The following EYA4 variants were observed in gnomAD, a reference collection of about 807,000 sequenced individuals.
EYA4 encodes protein phosphatase EYA4.
EYA4 carries 31 observed loss-of-function variants against 87.9 expected under a neutral mutation model. That is an observed-to-expected ratio of 0.35 (90% CI 0.27 to 0.48). EYA4 has a LOEUF of 0.48. EYA4 is among the 20% of genes least tolerant of loss of function. EYA4 has a pLI of 0.99. For missense variants in EYA4, 678 were observed against 761.4 expected (o/e 0.89, Z 1.29); for synonymous variants, 263 against 270.6 (o/e 0.97, Z 0.28).
intron 2 of EYA4, among the ~76,000 whole-genome samples, chr6:133,300,511 T>C (rs1303191094): frequency 1.3e-5 from 2 of 152,084 alleles, no homozygotes; most frequent in Non-Finnish European, 2.9e-5. Flanking sequence ...GTATTGTTGT[T>C]GTTATTATTA....
At chr6:133,303,569 A>G (rs1049345391) in intron 2 of EYA4, among the ~76,000 whole-genome samples, 5 of 151,896 alleles carry the variant, frequency 3.3e-5, no homozygotes, top group Admixed American at 2.6e-4. Context: ...GCCTTCCTCT[A>G]TTTCTGGGGT....
chr6:133,416,563 C>G (rs117054335), intron 3 of EYA4, among the ~76,000 whole-genome samples: 4,210 of 152,262 alleles, frequency 0.028, 98 homozygotes, highest in Middle Eastern at 0.048. Flanking sequence ...CTCTGCATCA[C>G]TAGATTGAGC....
Position 133,529,242 on chromosome 6 carries a change from T to G in EYA4, c.*437T>G. On this transcript the variant is annotated 3_prime_UTR_variant, in exon 20 of 20. Transcript: ENST00000355286. ...CTAACCCAGAAAATCTGAATTGGAA[T>G]GCACTCAGACTGTATAAGGACAGTC... The G allele has an allele frequency of 8.8e-7, 1 of 1,130,440 alleles. No individual in the cohort carries two copies. Among genetic ancestry groups the G allele is most frequent in the Non-Finnish European group, 1.1e-6 (1 of 915,446 alleles). The allele number at this position is 1,130,440 out of a possible 1,614,324, so 70.0% of individuals were successfully genotyped here.
intron 3 of EYA4, among the ~76,000 whole-genome samples, chr6:133,445,642 A>C (rs1792749476): frequency 6.7e-6 from 1 of 150,154 alleles, no homozygotes; most frequent in Non-Finnish European, 1.5e-5. Flanking sequence ...GCAGTGGCGC[A>C]ATCTCCACTC....
intron 13 of EYA4, among the ~76,000 whole-genome samples, chr6:133,490,423 A>G (rs891885888): frequency 2.0e-5 from 3 of 151,988 alleles, no homozygotes; most frequent in Non-Finnish European, 4.4e-5. Flanking sequence ...TGACCCAGCG[A>G]TCTCTTGCCT....
intron 2 of EYA4, among the ~76,000 whole-genome samples, chr6:133,287,990 G>T (rs1252686368): frequency 6.6e-6 from 1 of 152,084 alleles, no homozygotes; most frequent in East Asian, 1.9e-4. Flanking sequence ...TTAGCCGGGT[G>T]TGGGGGCACA....
intron 11 of EYA4, among the ~76,000 whole-genome samples, chr6:133,477,814 A>G (rs1471119037): frequency 9.9e-5 from 1 of 10,076 alleles, no homozygotes; most frequent in Non-Finnish European, 2.5e-4. Flanking sequence ...TTTAAGTCAG[A>G]CACACACACA....
chr6:133,266,284 A>G (rs187496006), intron 1 of EYA4, among the ~76,000 whole-genome samples: 1 of 152,326 alleles, frequency 6.6e-6, no homozygotes, highest in East Asian at 1.9e-4. Context: ...TTAGGCACGG[A>G]GAACATCATG....
At chr6:133,403,454 C>T (rs1008722125) in intron 3 of EYA4, among the ~76,000 whole-genome samples, 3 of 152,122 alleles carry the variant, frequency 2.0e-5, no homozygotes, top group African/African-American at 7.2e-5. Context: ...TCTCATTTTG[C>T]TCTAAATGCC....
intron 3 of EYA4, among the ~76,000 whole-genome samples, chr6:133,439,049 CAAAAAAAAA>C (rs56261819): frequency 1.7e-4 from 11 of 64,032 alleles, no homozygotes; most frequent in South Asian, 8.9e-4. Flanking sequence ...GACTCCGTCT[CAAAAAAAAA>C]AAAAAAAAAA....
In EYA4 at chr6:133,481,326, G is replaced by T. The variant is rs981711332; in HGVS notation, c.971-137G>T. On this transcript the variant is annotated intron_variant, in intron 11 of 19. Transcript: ENST00000355286. ...CAAAAGTTCTGACTGACTTGTGTGT[G>T]CTTGGGATTATAAATCTCTTTTTTG... 8 of 815,504 alleles carry T rather than the reference G, an allele frequency of 9.8e-6. No individual in the cohort carries two copies. The African/African-American group carries it at 1.0e-4, about 10-fold the overall frequency. 50.5% of individuals were successfully genotyped at this position (815,504 alleles called of 1,614,324 possible). A position where few individuals can be genotyped will look rare whatever the true frequency, so the allele number is the denominator to read the frequency against.
rs559108522 is a variant in EYA4 at position 133,448,309 on chromosome 6, G to T, written c.277+130G>T. The T allele has an allele frequency of 2.7e-5, 20 of 739,562 alleles. No individual in the cohort carries two copies. The South Asian group carries it at 2.9e-4, about 11-fold the overall frequency. 45.8% of individuals were successfully genotyped at this position (739,562 alleles called of 1,614,324 possible). ...GTACTTAAAAAGGAAAAATGAACAT[G>T]CCTTTTAGTTGTTTATTGACAGCAG... On this transcript the variant is annotated intron_variant, in intron 5 of 19. Transcript: ENST00000355286.
chr6:133,380,694 T>C (rs1295780348), intron 2 of EYA4, among the ~76,000 whole-genome samples: 5 of 152,196 alleles, frequency 3.3e-5, no homozygotes, highest in African/African-American at 1.2e-4. Context: ...CAGATATGCT[T>C]TCCTTTTAAT....
chr6:133,316,956 G>A (rs942826597), intron 2 of EYA4, among the ~76,000 whole-genome samples: 3 of 152,038 alleles, frequency 2.0e-5, no homozygotes, highest in Non-Finnish European at 4.4e-5. Context: ...GCCTTCCTTC[G>A]GCCTGCATAG....
chr6:133,444,900 T>TCTA (rs1792661329), intron 3 of EYA4, among the ~76,000 whole-genome samples: 7 of 152,228 alleles, frequency 4.6e-5, no homozygotes, highest in Non-Finnish European at 7.3e-5. Context: ...AACCTGACCA[T>TCTA]AGTCAGCTTT....
intron 1 of EYA4, among the ~76,000 whole-genome samples, chr6:133,263,483 A>G (rs538262477): frequency 1.3e-5 from 2 of 152,258 alleles, no homozygotes; most frequent in African/African-American, 2.4e-5. Context: ...CAAGTTTTAT[A>G]TCCTAGGGGT....
At chr6:133,517,533 C>CAA (rs71742184) in intron 17 of EYA4, among the ~76,000 whole-genome samples, 5 of 134,578 alleles carry the variant, frequency 3.7e-5, no homozygotes, top group African/African-American at 1.1e-4. Flanking sequence ...CCTGACAGGG[C>CAA]AAAAAAAAAA....
At chr6:133,494,627 C>T (rs141789678) in intron 13 of EYA4, among the ~76,000 whole-genome samples, 61 of 145,946 alleles carry the variant, frequency 4.2e-4, no homozygotes, top group African/African-American at 1.5e-3. Flanking sequence ...CACTTGAGGC[C>T]AGGAGTTGGA....
chr6:133,434,625 A>G (rs1791488687), intron 3 of EYA4, among the ~76,000 whole-genome samples: 1 of 152,350 alleles, frequency 6.6e-6, no homozygotes, highest in African/African-American at 2.4e-5. Flanking sequence ...CACTGCTCTC[A>G]TAGCCTTAAG....
Sources: allele counts gnomAD v4.1 joint callset (sites outside exome capture counted in the v4.1 genomes callset), GRCh38; gene constraint gnomAD v4.1.1; transcripts MANE v1.5; gene names NCBI Gene and HGNC (gene_info 2026-07-23, HGNC 2026-07-21).